PCYT2: variants seen among roughly 807,000 people sequenced by gnomAD.
PCYT2 encodes the protein ethanolamine-phosphate cytidylyltransferase.
PCYT2 carries 33 observed loss-of-function variants against 50.0 expected under a neutral mutation model. The observed-to-expected ratio is 0.66, with a 90% CI of 0.50 to 0.88. The LOEUF is 0.88. Ranked by LOEUF, PCYT2 falls within the 40% of genes least tolerant of loss-of-function variation. PCYT2 has a pLI of 0.00. For missense variants in PCYT2, 430 were observed against 519.7 expected (o/e 0.83, Z 1.68); for synonymous variants, 240 against 203.7 (o/e 1.18, Z -1.52).
chr17:81,910,083 T>A (rs1029047664), intron 1 of PCYT2, among the ~76,000 whole-genome samples: 1 of 152,224 alleles, frequency 6.6e-6, no homozygotes, highest in African/African-American at 2.4e-5. Flanking sequence ...ACCCTGGGAA[T>A]CACTGGCCCT....
Position 81,906,183 on chromosome 17 carries a change from G to A in PCYT2, c.760-6C>T. On this transcript the variant is annotated splice_polypyrimidine_tract_variant and splice_region_variant and intron_variant, in intron 8 of 12. Transcript: ENST00000538936. Reference sequence around the variant, plus strand: ...CCCTTGTAGTGATTGACCTCCTGCGGCCAGAGTGCGGCTAGCTCAGCCCGG... The same window carrying A: ...CCCTTGTAGTGATTGACCTCCTGCGACCAGAGTGCGGCTAGCTCAGCCCGG... 2 of 1,608,286 alleles carry A rather than the reference G, an allele frequency of 1.2e-6. No homozygotes were observed. The highest frequency in any genetic ancestry group is 8.5e-7 in the Non-Finnish European group (1 of 1,177,042).
intron 3 of PCYT2, 36 bp from the exon 4 acceptor site, chr17:81,908,670 C>T: frequency 1.3e-6 from 2 of 1,563,350 alleles, no homozygotes; most frequent in Non-Finnish European, 1.8e-6. Flanking sequence ...GATCCTTAAC[C>T]CAAAGCCACC....
intron 11 of PCYT2, 61 bp downstream of exon 11, chr17:81,905,321 T>C: frequency 2.7e-6 from 4 of 1,460,716 alleles, no homozygotes; most frequent in East Asian, 2.5e-5. Context: ...CAGTGAGTCA[T>C]TAAATGGCTG....
intron 1 of PCYT2, chr17:81,910,954 A>C (rs2040564869): frequency 4.0e-6 from 4 of 989,506 alleles, no homozygotes; most frequent in Non-Finnish European, 4.8e-6. Flanking sequence ...GAGCCGGGCA[A>C]GCTGGTTGCT....
At chr17:81,909,191 A>G (rs995190721) in intron 2 of PCYT2, 154 bp from the exon 3 acceptor site, 7 of 1,451,542 alleles carry the variant, frequency 4.8e-6, no homozygotes, top group Non-Finnish European at 6.3e-6. Context: ...GTGCTGGCCA[A>G]CTGGGTGGCT....
At position 81,908,650 on chromosome 17, in the gene PCYT2, C is replaced by G; in HGVS notation, c.341-16G>C. ...GTGATGTCATCTAAGCAGTGACACA[C>G]AAGGACAAGGATCCTTAACCCAAAG... On this transcript the variant is annotated splice_polypyrimidine_tract_variant and intron_variant, in intron 3 of 12. Transcript: ENST00000538936. The G allele has an allele frequency of 6.2e-7, 1 of 1,604,824 alleles. No homozygotes were observed. The highest frequency in any genetic ancestry group is 8.5e-7 in the Non-Finnish European group (1 of 1,171,924).
rs1002197257 is a variant in PCYT2 at position 81,902,296 on chromosome 17, C to T, written c.*2537G>A. ...CGTCCCCATGGCCCGGTCCGCGACACTGGCGGCCGCCGCCCTGGCGCTGTG... is the reference window on the plus strand; with the variant it reads ...CGTCCCCATGGCCCGGTCCGCGACATTGGCGGCCGCCGCCCTGGCGCTGTG... On this transcript the variant is annotated 3_prime_UTR_variant, in exon 13 of 13. Transcript: ENST00000538936. 5 of 1,322,856 alleles carry T rather than the reference C, an allele frequency of 3.8e-6. No homozygotes were observed. In the African/African-American group the frequency reaches 4.6e-5, roughly 12 times the overall value. The allele number at this position is 1,322,856 out of a possible 1,614,324, so 81.9% of individuals were successfully genotyped here.
rs2040297953 is a variant in PCYT2 at position 81,906,825 on chromosome 17, G to A, written c.611C>T (p.Ala204Val). Residue 204 changes from alanine (A) to valine (V), a missense_variant, in exon 7 of 13, where the codon GCT becomes GTT. Coordinates refer to ENST00000538936, the MANE Select transcript of PCYT2 (RefSeq NM_002861.5). ...LQTSQKIIQF[A>V]SGKEPQPGET... ...CCCTGGCTGGGGCTCCTTCCCAGAA[G>A]CAAACTGGATGATCTTCTGAGATGT... 3 of 1,613,538 alleles carry A rather than the reference G, an allele frequency of 1.9e-6. No homozygotes were observed. The highest frequency in any genetic ancestry group is 2.5e-6 in the Non-Finnish European group (3 of 1,179,968).
At chr17:81,910,481 A>C (rs889090297) in intron 1 of PCYT2, among the ~76,000 whole-genome samples, 1 of 152,112 alleles carries the variant, frequency 6.6e-6, no homozygotes, top group African/African-American at 2.4e-5. Context: ...CCATGTACCC[A>C]CTGGACAGGC....
Position 81,902,379 on chromosome 17 carries a change from C to T in PCYT2, c.*2454G>A. The T allele has an allele frequency of 2.2e-6, 3 of 1,343,204 alleles. No homozygotes were observed. Among genetic ancestry groups the T allele is most frequent in the South Asian group, 1.9e-5 (1 of 52,370 alleles). The allele number at this position is 1,343,204 out of a possible 1,614,324, so 83.2% of individuals were successfully genotyped here. ...ACAAGCCAGCGGCGGGGCACAGCTC[C>T]TACTCGGTGGGCCGCGCCGCGGGGC... On this transcript the variant is annotated 3_prime_UTR_variant, in exon 13 of 13. Transcript: ENST00000538936.
Position 81,903,095 on chromosome 17 carries a change from T to C in PCYT2, c.*1738A>G. ...CCCCGCGGTGAAGCCGCGCCTAGCC[T>C]TGGTGCTCCCTGGGGGAAGTGCAGG... is the stretch of plus-strand genomic sequence containing the variant. On this transcript the variant is annotated 3_prime_UTR_variant, in exon 13 of 13. Transcript: ENST00000538936. 3.3e-6 allele frequency: 1 copy of C among 300,718 alleles called. No individual in the cohort carries two copies. The highest frequency in any genetic ancestry group is 6.1e-6 in the Non-Finnish European group (1 of 162,960). 18.6% of individuals were successfully genotyped at this position (300,718 alleles called of 1,614,324 possible).
Position 81,901,471 on chromosome 17 carries a change from G to C in PCYT2, c.*3362C>G, listed in dbSNP as rs142046533. 3 of 152,360 alleles carry C rather than the reference G, an allele frequency of 2.0e-5. No individual in the cohort carries two copies. Among genetic ancestry groups the C allele is most frequent in the Non-Finnish European group, 4.4e-5 (3 of 68,134 alleles). The allele number at this position is 152,360 out of a possible 1,614,324, so 9.4% of individuals were successfully genotyped here. A position where few individuals can be genotyped will look rare whatever the true frequency, so the allele number is the denominator to read the frequency against. ...TTCACCATCACACCTGGGAAGCATG[G>C]AACCCAGAAACAAGTGCCAGGGCTC... On this transcript the variant is annotated 3_prime_UTR_variant, in exon 13 of 13. Coordinates refer to ENST00000538936, the MANE Select transcript of PCYT2 (RefSeq NM_002861.5).
chr17:81,906,593 G>T, intron 7 of PCYT2, 47 bp from the exon 8 acceptor site: 3 of 1,589,364 alleles, frequency 1.9e-6, no homozygotes, highest in Non-Finnish European at 2.6e-6. Flanking sequence ...ACAGGGAGCA[G>T]CTCCCTGACA....
In PCYT2 at chr17:81,902,155, C is replaced by A; in HGVS notation, c.*2678G>T. The A allele has an allele frequency of 1.1e-6, 1 of 942,224 alleles. No homozygotes were observed. Among genetic ancestry groups the A allele is most frequent in the Non-Finnish European group, 1.4e-6 (1 of 739,208 alleles). 58.4% of individuals were successfully genotyped at this position (942,224 alleles called of 1,614,324 possible). On this transcript the variant is annotated 3_prime_UTR_variant, in exon 13 of 13. Transcript: ENST00000538936. ...TCCGCGCGCGCCCGCTGCACCCCAG[C>A]CCGCCCGCCGCCCCTCCCGGCCCTC...
intron 1 of PCYT2, chr17:81,910,767 C>T (rs2040551688): frequency 2.0e-6 from 1 of 506,082 alleles, no homozygotes; most frequent in Non-Finnish European, 2.6e-6. Flanking sequence ...GTTGACAACC[C>T]GAAACTTTTC....
In PCYT2 at chr17:81,907,838, C is replaced by T; in HGVS notation, c.427G>A (p.Gly143Arg). 6.2e-7 allele frequency: 1 copy of T among 1,610,336 alleles called. No homozygotes were observed. The highest frequency in any genetic ancestry group is 8.5e-7 in the Non-Finnish European group (1 of 1,177,980). ...CCCACGAGGTCTGTGGTGGACACCCCTTGCGTGCGCTTGCATTCTCTGGGG... is the reference window on the plus strand; with the variant it reads ...CCCACGAGGTCTGTGGTGGACACCCTTTGCGTGCGCTTGCATTCTCTGGGG... ...GRYRECKRTQ[G>R]VSTTDLVGRM... Residue 143 changes from glycine to arginine, a missense_variant, in exon 5 of 13, where the codon GGG becomes AGG. Around this residue, in one of 4 missense-constraint regions of PCYT2, gnomAD observed 117 missense variants for 163.9 expected, o/e 0.71. Coordinates refer to ENST00000538936, the MANE Select transcript of PCYT2 (RefSeq NM_002861.5).
Position 81,907,500 on chromosome 17 carries a change from C to T in PCYT2, c.537+54G>A, listed in dbSNP as rs926643147. On this transcript the variant is annotated intron_variant, in intron 6 of 12. Transcript: ENST00000538936. ...CCAAGGGATGGCTGGGACAGGTGGC[C>T]GGGGGAGCCCCCTGCAGCTGCGTGC... 5.4e-5 allele frequency: 84 copies of T among 1,551,798 alleles called. No individual in the cohort carries two copies. In the Middle Eastern group the frequency reaches 6.7e-4, roughly 12 times the overall value.
At position 81,911,275 on chromosome 17, in the gene PCYT2, G is replaced by C. The variant is rs2040592165; in HGVS notation, c.81C>G (p.Cys27Trp). 3 of 1,095,504 alleles carry C rather than the reference G, an allele frequency of 2.7e-6. No homozygotes were observed. The highest frequency in any genetic ancestry group is 2.2e-6 in the Non-Finnish European group (2 of 895,160). The allele number at this position is 1,095,504 out of a possible 1,614,324, so 67.9% of individuals were successfully genotyped here. Residue 27 changes from cysteine (C) to tryptophan (W), a missense_variant, in exon 1 of 13, where the codon TGC becomes TGG. Around this residue, in one of 4 missense-constraint regions of PCYT2, gnomAD observed 63 missense variants for 37.5 expected, o/e 1.68. Coordinates refer to ENST00000538936, the MANE Select transcript of PCYT2 (RefSeq NM_002861.5). ...PGGRRAVRVW[C>W]DGCYDMVHYG... Reference sequence around the variant, plus strand: ...CCCGGCCCCGCGCTCACCAGCCATCGCACCACACCCTCACGGCGCGCCTGC... The same window carrying C: ...CCCGGCCCCGCGCTCACCAGCCATCCCACCACACCCTCACGGCGCGCCTGC...
chr17:81,909,978 T>A (rs1429935998), intron 1 of PCYT2, among the ~76,000 whole-genome samples: 1 of 152,182 alleles, frequency 6.6e-6, no homozygotes, highest in Non-Finnish European at 1.5e-5. Flanking sequence ...AATAAGCCGA[T>A]GTTAACTCTT....
Sources: allele counts gnomAD v4.1 joint callset (sites outside exome capture counted in the v4.1 genomes callset), GRCh38; gene constraint gnomAD v4.1.1; regional missense constraint gnomAD v4.1.1; transcripts MANE v1.5; gene names NCBI Gene and HGNC (gene_info 2026-07-23, HGNC 2026-07-21).